ITIH2: variants seen among roughly 807,000 people sequenced by gnomAD.
ITIH2 encodes inter-alpha-trypsin inhibitor heavy chain H2.
Under a neutral mutation model 104.4 loss-of-function variants are expected in ITIH2, and 103 were observed. That is an observed-to-expected ratio of 0.99 (90% confidence interval 0.84 to 1.16). The LOEUF (loss-of-function observed/expected upper bound fraction) is 1.16, where lower values mean the gene tolerates loss of function less well. Ranked by LOEUF, ITIH2 falls within the 50% of genes most tolerant of loss-of-function variation. The pLI is 0.00. For synonymous variants in ITIH2, 436 were observed against 435.4 expected (o/e 1.00, Z -0.02); for missense variants, 1,108 against 1,162.4 (o/e 0.95, Z 0.68).
At chr10:7,736,120 C>T (rs1346148036) in intron 15 of ITIH2, among the ~76,000 whole-genome samples, 1 of 152,008 alleles carries the variant, frequency 6.6e-6, no homozygotes. Context: ...AATCCCAGCA[C>T]TTTGGGAGGC....
At chr10:7,720,712 A>T (rs1834893892) in intron 6 of ITIH2, 144 bp from the exon 7 acceptor site, 1 of 556,484 alleles carries the variant, frequency 1.8e-6, no homozygotes, top group Non-Finnish European at 3.3e-6. Context: ...GAACTTGCAG[A>T]TCCTGCAGGA....
intron 1 of ITIH2, among the ~76,000 whole-genome samples, chr10:7,704,281 G>A (rs1383827172): frequency 2.0e-5 from 3 of 152,136 alleles, no homozygotes; most frequent in Admixed American, 1.3e-4. Context: ...AGAATATGAC[G>A]GCATATTTAC....
At chr10:7,730,231 A>C in intron 12 of ITIH2, 98 bp downstream of exon 12, 2 of 901,014 alleles carry the variant, frequency 2.2e-6, no homozygotes, top group Non-Finnish European at 3.4e-6. Flanking sequence ...TTAACTCAAA[A>C]TGGTCATGAT....
intron 6 of ITIH2, among the ~76,000 whole-genome samples, chr10:7,719,451 C>A (rs1009330043): frequency 1.2e-4 from 19 of 152,108 alleles, no homozygotes; most frequent in African/African-American, 3.9e-4. Context: ...TGCCATGAAT[C>A]CCGTGGTAAA....
At chr10:7,728,943 T>C (rs776562533) in intron 11 of ITIH2, among the ~76,000 whole-genome samples, 1 of 152,180 alleles carries the variant, frequency 6.6e-6, no homozygotes, top group Non-Finnish European at 1.5e-5. Context: ...GAGCCAATGT[T>C]TTCTCCCTCA....
At chr10:7,706,052 A>G (rs2131150974) in intron 2 of ITIH2, among the ~76,000 whole-genome samples, 1 of 152,264 alleles carries the variant, frequency 6.6e-6, no homozygotes. Flanking sequence ...GGAAGCAGCA[A>G]CCCTAAGCTG....
intron 9 of ITIH2, among the ~76,000 whole-genome samples, chr10:7,726,004 G>T (rs898988835): frequency 1.3e-5 from 2 of 152,194 alleles, no homozygotes; most frequent in African/African-American, 4.8e-5. Context: ...TGTTCAGGAG[G>T]GAGATGAGAG....
intron 12 of ITIH2, among the ~76,000 whole-genome samples, chr10:7,731,249 A>G (rs1835000056): frequency 1.3e-5 from 2 of 152,122 alleles, no homozygotes; most frequent in South Asian, 4.1e-4. Flanking sequence ...TTTGTCCAAG[A>G]GTTTTTCACG....
intron 19 of ITIH2, among the ~76,000 whole-genome samples, chr10:7,745,716 A>G (rs556535290): frequency 3.3e-5 from 5 of 151,860 alleles, no homozygotes; most frequent in Non-Finnish European, 7.4e-5. Context: ...ACTGTGCTCC[A>G]GCCTGGGTGA....
chr10:7,726,673 G>A (rs1360795339), intron 9 of ITIH2, among the ~76,000 whole-genome samples: 1 of 152,188 alleles, frequency 6.6e-6, no homozygotes, highest in Non-Finnish European at 1.5e-5. Context: ...GCATCATAAA[G>A]GTGGCACTCG....
intron 11 of ITIH2, among the ~76,000 whole-genome samples, chr10:7,728,407 G>A (rs1834970415): frequency 6.6e-6 from 1 of 151,896 alleles, no homozygotes; most frequent in Non-Finnish European, 1.5e-5. Flanking sequence ...TTGAAGACAG[G>A]GTCTTGCTCT....
intron 4 of ITIH2, among the ~76,000 whole-genome samples, chr10:7,710,813 T>C (rs7085715): frequency 0.039 from 5,921 of 152,266 alleles, 140 homozygotes; most frequent in Middle Eastern, 0.12. Context: ...ACTGGTATTA[T>C]ATGACCCCAT....
chr10:7,719,910 C>T (rs975385759), intron 6 of ITIH2, among the ~76,000 whole-genome samples: 3 of 143,832 alleles, frequency 2.1e-5, no homozygotes, highest in African/African-American at 5.2e-5. Context: ...GAATGATAGA[C>T]ATTGGAGACT....
intron 16 of ITIH2, among the ~76,000 whole-genome samples, chr10:7,742,494 A>T (rs149112692): frequency 6.6e-6 from 1 of 152,276 alleles, no homozygotes; most frequent in East Asian, 1.9e-4. Flanking sequence ...TAATCCCAGG[A>T]CTTTGAGAGG....
In ITIH2 at chr10:7,749,360, A is replaced by G. The variant is rs779772829; in HGVS notation, c.*26A>G. 18 of 1,574,066 alleles carry G rather than the reference A, an allele frequency of 1.1e-5. No homozygotes were observed. The highest frequency in any genetic ancestry group is 6.7e-5 in the East Asian group (3 of 44,608). On this transcript the variant is annotated 3_prime_UTR_variant, in exon 21 of 21. Coordinates refer to ENST00000358415, the MANE Select transcript of ITIH2 (RefSeq NM_002216.3). ...AGGTTTATAGTTTGGGAAATTATAT[A>G]TATTAATATACATCTTTCCCCTGTC...
intron 9 of ITIH2, 93 bp downstream of exon 9, chr10:7,723,660 T>G: frequency 1.2e-6 from 1 of 836,120 alleles, no homozygotes; most frequent in Non-Finnish European, 2.1e-6. Flanking sequence ...TCCTCCCTGC[T>G]TAGGGCTGAA....
At chr10:7,719,782 A>AC (rs1834884810) in intron 6 of ITIH2, among the ~76,000 whole-genome samples, 1 of 137,092 alleles carries the variant, frequency 7.3e-6, no homozygotes, top group African/African-American at 2.9e-5. Flanking sequence ...AAAAAAAAAA[A>AC]AGAAAGAAAG....
chr10:7,722,718 C>T (rs1834915678), intron 8 of ITIH2, among the ~76,000 whole-genome samples: 8 of 152,238 alleles, frequency 5.3e-5, no homozygotes, highest in Admixed American at 5.2e-4. Context: ...CCTTAGGTCC[C>T]AGTGGAGATG....
At chr10:7,716,735 CA>C (rs61703360) in intron 5 of ITIH2, among the ~76,000 whole-genome samples, 3,952 of 58,760 alleles carry the variant, frequency 0.067, 110 homozygotes, top group African/African-American at 0.16. Flanking sequence ...GACCCCAGCT[CA>C]AAAAAAAAAA....
Sources: gnomAD v4.1 joint callset for allele counts (sites outside exome capture counted in the v4.1 genomes callset) on GRCh38, gnomAD v4.1.1 for gene constraint, MANE v1.5 for transcripts, NCBI Gene and HGNC (gene_info 2026-07-23, HGNC 2026-07-21) for gene names.